Variants in OPRM1 observed in about 807,000 individuals in gnomAD.
OPRM1 encodes the protein mu-type opioid receptor.
Under a neutral mutation model 31.8 loss-of-function variants are expected in OPRM1, and 27 were observed. The ratio of observed to expected loss-of-function variants is 0.85; its 90% CI spans 0.63 to 1.17. OPRM1 has a LOEUF of 1.17. OPRM1 is among the 50% of genes most tolerant of loss of function. The pLI is 0.00. For missense variants in OPRM1, 536 were observed against 511.1 expected (o/e 1.05, Z -0.47); for synonymous variants, 196 against 189.9 (o/e 1.03, Z -0.26).
chr6:154,087,828 A>C (rs1182620543), intron 1 of OPRM1: 1 of 152,738 alleles, frequency 6.5e-6, no homozygotes, highest in Non-Finnish European at 1.5e-5. Flanking sequence ...GAATGTTAAA[A>C]AAAAAATGAT....
At chr6:154,109,650 C>T (rs914578040) in intron 3 of OPRM1, among the ~76,000 whole-genome samples, 5 of 152,060 alleles carry the variant, frequency 3.3e-5, no homozygotes, top group East Asian at 3.8e-4. Flanking sequence ...AATGGTGGTC[C>T]GTGAATGAGA....
At position 154,168,332 on chromosome 6, in the gene OPRM1, A is replaced by C. The variant is rs1033249790; in HGVS notation, c.1164+76860A>C. On this transcript the variant is annotated intron_variant, in intron 3 of 3. Transcript: ENST00000337049. The surrounding 1 kb of genome is among the most constrained non-coding windows in gnomAD (Gnocchi z 4.1). ...TTCCCTGTGAAGGCACCAGGGAAGGAGTTATTCCAAGCCTCTCTCCTGGCT... is the reference window on the plus strand; with the variant it reads ...TTCCCTGTGAAGGCACCAGGGAAGGCGTTATTCCAAGCCTCTCTCCTGGCT... Among the ~76,000 whole-genome samples the C allele has an allele frequency of 6.6e-6, 1 of 152,094 alleles. No individual in the cohort carries two copies. Among genetic ancestry groups the C allele is most frequent in the Non-Finnish European group, 1.5e-5 (1 of 68,022 alleles).
intron 3 of OPRM1, among the ~76,000 whole-genome samples, chr6:154,238,932 A>ATTT (rs1562560466): frequency 1.3e-3 from 188 of 149,850 alleles, no homozygotes; most frequent in African/African-American, 4.4e-3. Context: ...GTTTTTTTTA[A>ATTT]AAAAAAAAAG....
In OPRM1 at chr6:154,130,491, TC is replaced by T. The variant is rs1323860881; in HGVS notation, c.*11771del. Among the ~76,000 whole-genome samples, 1 of 152,124 alleles carries T rather than the reference TC, an allele frequency of 6.6e-6. No homozygotes were observed. The highest frequency in any genetic ancestry group is 2.4e-5 in the African/African-American group (1 of 41,428). On this transcript the variant is annotated 3_prime_UTR_variant, in exon 4 of 4. Transcript: ENST00000330432. ...CCAGAAATGTTTAAAATTTCATAAA[TC>T]TTGAATCCATAAAATTCAATGCTAC...
intron 1 of OPRM1, chr6:154,087,812 T>C (rs1003828074): frequency 2.0e-5 from 3 of 153,300 alleles, no homozygotes; most frequent in African/African-American, 4.8e-5. Context: ...AAGGTAAATA[T>C]ATGTGGAATG....
intron 3 of OPRM1, among the ~76,000 whole-genome samples, chr6:154,171,271 T>C (rs1799848355): frequency 6.6e-6 from 1 of 152,204 alleles, no homozygotes; most frequent in Non-Finnish European, 1.5e-5. Context: ...TGTGACAGAA[T>C]AGTATTCAAT....
intron 1 of OPRM1, among the ~76,000 whole-genome samples, chr6:154,018,723 C>T (rs550749281): frequency 2.8e-4 from 42 of 152,224 alleles, no homozygotes; most frequent in African/African-American, 9.6e-4. Flanking sequence ...TATCCCCTGA[C>T]CCAGGATAAA....
At chr6:154,230,309 C>T (rs570717671) in intron 3 of OPRM1, among the ~76,000 whole-genome samples, 1 of 152,238 alleles carries the variant, frequency 6.6e-6, no homozygotes, top group South Asian at 2.1e-4. Flanking sequence ...GGAGGTTGTA[C>T]ATGAGTATGG....
intron 1 of OPRM1, among the ~76,000 whole-genome samples, chr6:154,013,144 G>A (rs554762236): frequency 9.2e-5 from 14 of 152,254 alleles, no homozygotes; most frequent in Middle Eastern, 6.8e-3. Flanking sequence ...TCAAGTGGAC[G>A]TTAGCCTTGA....
chr6:154,211,088 G>A (rs1399893168), intron 3 of OPRM1, among the ~76,000 whole-genome samples: 1 of 152,138 alleles, frequency 6.6e-6, no homozygotes, highest in Non-Finnish European at 1.5e-5. Context: ...CCATCATTTG[G>A]GTCTATAATG....
intron 3 of OPRM1, chr6:154,167,867 C>G (rs1799563623): frequency 3.0e-6 from 4 of 1,340,964 alleles, no homozygotes; most frequent in Non-Finnish European, 4.1e-6. Context: ...GCAGAACCAG[C>G]CGTTCCTTGC....
intron 3 of OPRM1, among the ~76,000 whole-genome samples, chr6:154,243,873 C>T (rs957396821): frequency 2.0e-5 from 3 of 152,160 alleles, no homozygotes; most frequent in Admixed American, 6.5e-5. Context: ...CAACTACTAC[C>T]TCTCAGGGTG....
At position 154,121,204 on chromosome 6, in the gene OPRM1, G is replaced by A. The variant is rs1478224428; in HGVS notation, c.*2483G>A. Among the ~76,000 whole-genome samples, 1 of 152,184 alleles carries A rather than the reference G, an allele frequency of 6.6e-6. No individual in the cohort carries two copies. The highest frequency in any genetic ancestry group is 1.5e-5 in the Non-Finnish European group (1 of 68,022). ...GGTTGGTATCCCAGAAATGCAGACTGTAGCTATGGGGCGGAAGCTTTGTTT... is the reference window on the plus strand; with the variant it reads ...GGTTGGTATCCCAGAAATGCAGACTATAGCTATGGGGCGGAAGCTTTGTTT... On this transcript the variant is annotated 3_prime_UTR_variant, in exon 4 of 4. Transcript: ENST00000330432.
intron 1 of OPRM1, among the ~76,000 whole-genome samples, chr6:154,082,159 A>G (rs183690710): frequency 7.9e-5 from 12 of 152,324 alleles, no homozygotes; most frequent in Admixed American, 5.9e-4. Context: ...CTGGTTCTCT[A>G]AGAAAAAAAT....
chr6:154,055,819 A>G (rs1402438413), intron 1 of OPRM1, among the ~76,000 whole-genome samples: 1 of 152,228 alleles, frequency 6.6e-6, no homozygotes, highest in Non-Finnish European at 1.5e-5. Flanking sequence ...TATGCAAACC[A>G]GTGATGTTCG....
intron 3 of OPRM1, among the ~76,000 whole-genome samples, chr6:154,096,205 C>T (rs1458901021): frequency 9.2e-5 from 14 of 152,046 alleles, no homozygotes; most frequent in Non-Finnish European, 1.9e-4. Flanking sequence ...TACAGGCATG[C>T]GCCACCACAC....
At chr6:154,235,074 G>A (rs115943385) in intron 3 of OPRM1, among the ~76,000 whole-genome samples, 1 of 152,190 alleles carries the variant, frequency 6.6e-6, no homozygotes, top group Non-Finnish European at 1.5e-5. Context: ...AAATGAATCA[G>A]AAGAAATTTG....
chr6:154,069,693 A>C (rs1289831347), intron 1 of OPRM1, among the ~76,000 whole-genome samples: 6 of 152,184 alleles, frequency 3.9e-5, no homozygotes, highest in Non-Finnish European at 8.8e-5. Context: ...GGTGAAAGAT[A>C]AGGGTCTCAT....
intron 1 of OPRM1, among the ~76,000 whole-genome samples, chr6:154,072,765 C>T (rs893441141): frequency 7.2e-5 from 11 of 152,152 alleles, no homozygotes; most frequent in East Asian, 3.9e-4. Context: ...GAATTAACAA[C>T]GTCACTACTG....
Sources: allele counts gnomAD v4.1 joint callset (sites outside exome capture counted in the v4.1 genomes callset), GRCh38; gene constraint gnomAD v4.1.1; non-coding constraint Gnocchi (gnomAD v3.1); transcripts MANE v1.5; gene names NCBI Gene and HGNC (gene_info 2026-07-23, HGNC 2026-07-21).